The following ALLC variants were observed in gnomAD, a reference collection of about 807,000 sequenced individuals.
The protein encoded by ALLC is allantoicase, also known as probable inactive allantoicase.
Under a neutral mutation model 45.0 loss-of-function variants are expected in ALLC, and 40 were observed. The observed-to-expected ratio is 0.89, with a 90% CI of 0.69 to 1.16. The LOEUF (loss-of-function observed/expected upper bound fraction) is 1.16, where lower values mean the gene tolerates loss of function less well. Among genes scored for constraint, ALLC ranks in the 50% most tolerant of loss-of-function variants. The pLI is 0.00. For synonymous variants in ALLC, 176 were observed against 178.1 expected, an observed-to-expected ratio of 0.99 and a Z score of 0.09; for missense variants, 488 against 493.1, an observed-to-expected ratio of 0.99 and a Z score of 0.10.
At chr2:3,682,725 C>T (rs1667221638) in intron 6 of ALLC, among the ~76,000 whole-genome samples, 3 of 152,104 alleles carry the variant, frequency 2.0e-5, no homozygotes, top group Admixed American at 1.3e-4. Context: ...CGGGGTTTCA[C>T]CGTGTTAGCC....
the ALLC span, among the ~76,000 whole-genome samples, chr2:3,650,809 TAGC>T: frequency 1.6e-4 from 25 of 152,306 alleles, 1 homozygote; most frequent in Non-Finnish European, 2.2e-4. Context: ...TCTGTGTTAA[TAGC>T]AGGCACAGTG....
At chr2:3,656,378 C>T (rs1307497735), upstream of ALLC, among the ~76,000 whole-genome samples, 4 of 152,240 alleles carry the variant, frequency 2.6e-5, no homozygotes, top group Non-Finnish European at 2.9e-5. Flanking sequence ...TCCTCCCGCC[C>T]CACAGATGGG....
At chr2:3,651,317 G>GTGGTGGTGGTGGTGGTGGT in the ALLC span, among the ~76,000 whole-genome samples, 1 of 23,350 alleles carries the variant, frequency 4.3e-5, no homozygotes, top group African/African-American at 3.4e-4. Flanking sequence ...GGTGGGTGGG[G>GTGGTGGTGGTGGTGGTGGT]GGGGTGTGTG....
At chr2:3,657,559 C>A (rs996947554), upstream of ALLC, among the ~76,000 whole-genome samples, 1 of 152,144 alleles carries the variant, frequency 6.6e-6, no homozygotes, top group African/African-American at 2.4e-5. Flanking sequence ...TAGCTTGCCC[C>A]GCAGGGTGGC....
At chr2:3,651,430 TGTGTGTGTGTGTTAGGAAGG>T in the ALLC span, among the ~76,000 whole-genome samples, 1 of 59,666 alleles carries the variant, frequency 1.7e-5, no homozygotes, top group Admixed American at 2.3e-4. Context: ...TGTGTGTGTG[TGTGTGTGTGTGTTAGGAAGG>T]GAGACGAGTT....
intron 7 of ALLC, chr2:3,688,658 G>T: frequency 5.9e-6 from 1 of 170,248 alleles, no homozygotes; most frequent in Non-Finnish European, 1.3e-5. Context: ...CTCTAAGTGA[G>T]CCTCAGCCTT....
chr2:3,668,098 A>G lies in ALLC; in HGVS notation c.-62-2998A>G, dbSNP rs370723448. On this transcript the variant is annotated intron_variant, in intron 1 of 11. Coordinates refer to ENST00000252505, the MANE Select transcript of ALLC (RefSeq NM_018436.4). ...ATATTACAGAGAAGCAGTGACATGT[A>G]TGCTCATATTATTTGGGAACAAAGA... 1.6e-4 allele frequency among the ~76,000 whole-genome samples: 25 copies of G among 152,330 alleles called. 1 individual carries two copies. In the East Asian group the frequency reaches 1.9e-3, roughly 12 times the overall value.
the ALLC span, among the ~76,000 whole-genome samples, chr2:3,651,407 GT>G: frequency 4.3e-5 from 2 of 46,530 alleles, no homozygotes; most frequent in African/African-American, 1.3e-4. Flanking sequence ...GTGTGTGTGT[GT>G]GTGTGTGTGT....
chr2:3,685,569 C>A (rs763862405), intron 7 of ALLC, among the ~76,000 whole-genome samples: 2 of 150,738 alleles, frequency 1.3e-5, no homozygotes, highest in African/African-American at 4.8e-5. Flanking sequence ...GAAAACCACC[C>A]CATCATCCAA....
At chr2:3,691,905 A>G (rs190942974) in intron 7 of ALLC, among the ~76,000 whole-genome samples, 1 of 152,110 alleles carries the variant, frequency 6.6e-6, no homozygotes, top group African/African-American at 2.4e-5. Flanking sequence ...CCTCTAATGA[A>G]TTTTTTGGTT....
the ALLC span, among the ~76,000 whole-genome samples, chr2:3,653,034 C>T: frequency 6.6e-6 from 1 of 152,214 alleles, no homozygotes; most frequent in Non-Finnish European, 1.5e-5. The surrounding 1 kb of genome is among the most constrained non-coding windows in gnomAD (Gnocchi z 4.1). Flanking sequence ...GGCTGGTCTC[C>T]AGTGCATCAG....
intron 1 of ALLC, among the ~76,000 whole-genome samples, chr2:3,665,700 ATCCAG>A (rs1285573080): frequency 6.6e-6 from 1 of 152,064 alleles, no homozygotes; most frequent in Non-Finnish European, 1.5e-5. Flanking sequence ...CATTTTCTTT[ATCCAG>A]TCTATCATTG....
intron 2 of ALLC, 89 bp from the exon 3 acceptor site, chr2:3,673,986 T>G (rs1666956775): frequency 9.8e-7 from 1 of 1,021,328 alleles, no homozygotes; most frequent in African/African-American, 1.6e-5. Flanking sequence ...TTCTTTTTAC[T>G]TCATCTCATA....
At chr2:3,698,531 A>G (rs1310268151) in intron 10 of ALLC, among the ~76,000 whole-genome samples, 1 of 152,152 alleles carries the variant, frequency 6.6e-6, no homozygotes, top group Non-Finnish European at 1.5e-5. Flanking sequence ...AAAACCGTAC[A>G]CCTCTATGTG....
the ALLC span, among the ~76,000 whole-genome samples, chr2:3,651,309 TGGGTG>T: frequency 1.2e-3 from 14 of 11,616 alleles, 4 homozygotes; most frequent in African/African-American, 2.4e-3. Context: ...GGTGGGTGGG[TGGGTG>T]GGGGGGGTGT....
At chr2:3,682,911 C>T (rs748168086) in intron 6 of ALLC, 31 bp from the exon 7 acceptor site, 1 of 1,609,458 alleles carries the variant, frequency 6.2e-7, no homozygotes, top group Non-Finnish European at 8.5e-7. Context: ...TTTTCAAGAG[C>T]AATTGCTGAC....
At chr2:3,663,741 A>G (rs554314602) in intron 1 of ALLC, among the ~76,000 whole-genome samples, 1 of 152,344 alleles carries the variant, frequency 6.6e-6, no homozygotes, top group Non-Finnish European at 1.5e-5. Flanking sequence ...CTAAAAATTG[A>G]TATTACCTCT....
the ALLC span, among the ~76,000 whole-genome samples, chr2:3,649,665 C>A: frequency 6.6e-6 from 1 of 152,272 alleles, no homozygotes; most frequent in African/African-American, 2.4e-5. Context: ...TGGCCCACGC[C>A]TGACCTGGCA....
chr2:3,662,537 G>A (rs1026258285), intron 1 of ALLC, among the ~76,000 whole-genome samples: 7 of 152,198 alleles, frequency 4.6e-5, no homozygotes, highest in Non-Finnish European at 8.8e-5. Flanking sequence ...TAATTTCAAG[G>A]CGCCACCTGC....
Sources: gnomAD v4.1 joint callset for allele counts (sites outside exome capture counted in the v4.1 genomes callset) on GRCh38, gnomAD v4.1.1 for gene constraint, Gnocchi (gnomAD v3.1) non-coding constraint, MANE v1.5 for transcripts, NCBI Gene and HGNC (gene_info 2026-07-23, HGNC 2026-07-21) for gene names.